RTN4: variants seen among roughly 807,000 people sequenced by gnomAD.
RTN4 encodes reticulon-4.
Under a neutral mutation model 90.4 loss-of-function variants are expected in RTN4, and 32 were observed. The observed-to-expected ratio is 0.35, with a 90% CI of 0.27 to 0.48. The LOEUF is 0.48. RTN4 is among the 20% of genes least tolerant of loss of function. The pLI, the probability that RTN4 is intolerant of heterozygous loss-of-function variation, is 0.99. For missense variants in RTN4, 1,706 were observed against 1,430.2 expected, an observed-to-expected ratio of 1.19 and a Z score of -3.11; for synonymous variants, 629 against 552.5, an observed-to-expected ratio of 1.14 and a Z score of -1.94.
rs113221316 is a variant in RTN4, at chr2:55,042,673, G to A, written c.556+7072C>T. ...TATACATAAATAAATAAATGCTTTC[G>A]TAAGATTTGGGATTTTTATTGAGAG... On this transcript the variant is annotated intron_variant, in intron 1 of 8. Coordinates refer to ENST00000337526, the MANE Select transcript of RTN4 (RefSeq NM_020532.5). Among the ~76,000 whole-genome samples, 779 of 152,178 alleles carry A rather than the reference G, an allele frequency of 5.1e-3. 5 individuals carry two copies. Among genetic ancestry groups the A allele is most frequent in the African/African-American group, 0.017 (717 of 41,510 alleles).
At chr2:55,065,810 T>G (rs1316098575) in intron 2 of RTN4, among the ~76,000 whole-genome samples, 1 of 152,114 alleles carries the variant, frequency 6.6e-6, no homozygotes, top group Middle Eastern at 3.2e-3. Context: ...CAATGGTTAC[T>G]GGGTTAGGGA....
intron 1 of RTN4, among the ~76,000 whole-genome samples, chr2:55,108,279 T>G (rs936445630): frequency 2.0e-5 from 3 of 152,152 alleles, no homozygotes; most frequent in Admixed American, 6.5e-5. Flanking sequence ...TATAGATATA[T>G]GGACAGCTAT....
intron 1 of RTN4, chr2:55,049,046 A>T (rs1667940506): frequency 3.2e-6 from 3 of 948,136 alleles, no homozygotes; most frequent in African/African-American, 3.5e-5. Flanking sequence ...TCCACATCAC[A>T]CCCCGGGGAG....
chr2:54,989,857 A>T (rs114783222), intron 3 of RTN4, among the ~76,000 whole-genome samples: 3,386 of 152,338 alleles, frequency 0.022, 68 homozygotes, highest in South Asian at 0.034. Context: ...AACTGTAAGC[A>T]TCTTTCTGCT....
intron 1 of RTN4, among the ~76,000 whole-genome samples, chr2:55,041,949 GT>G (rs1430634002): frequency 8.6e-5 from 13 of 151,984 alleles, no homozygotes; most frequent in African/African-American, 3.1e-4. Context: ...TCAATAAAAA[GT>G]TTTCAAGACA....
chr2:55,088,370 A>G (rs972790929), intron 1 of RTN4, among the ~76,000 whole-genome samples: 4 of 152,252 alleles, frequency 2.6e-5, no homozygotes, highest in Admixed American at 6.5e-5. Flanking sequence ...AAGCACACAC[A>G]TATTCTTTTC....
At chr2:54,987,466 A>T in intron 4 of RTN4, 25 bp downstream of exon 4, 1 of 1,498,318 alleles carries the variant, frequency 6.7e-7, no homozygotes, top group Non-Finnish European at 9.3e-7. Flanking sequence ...TTGCCAATGC[A>T]TGCCTTGTTT....
At chr2:55,047,437 A>T (rs1033623075) in intron 1 of RTN4, among the ~76,000 whole-genome samples, 1 of 151,938 alleles carries the variant, frequency 6.6e-6, no homozygotes, top group African/African-American at 2.4e-5. Flanking sequence ...AGATTGAGTT[A>T]CTCCTCATCT....
intron 5 of RTN4, 72 bp downstream of exon 5, chr2:54,982,443 C>T: frequency 1.5e-6 from 2 of 1,331,806 alleles, no homozygotes; most frequent in Non-Finnish European, 2.1e-6. Context: ...TATAGAAGAA[C>T]AGAATTTTAC....
chr2:55,054,375 C>T (rs1457665698), upstream of RTN4, among the ~76,000 whole-genome samples: 1 of 152,124 alleles, frequency 6.6e-6, no homozygotes, highest in Non-Finnish European at 1.5e-5. Context: ...CTGCACCAGG[C>T]CCTGCTCAAG....
intron 1 of RTN4, among the ~76,000 whole-genome samples, chr2:55,111,438 C>CT (rs2105067965): frequency 6.6e-6 from 1 of 152,336 alleles, no homozygotes; most frequent in Non-Finnish European, 1.5e-5. Context: ...AATAAAGTCA[C>CT]TGCCTTTTGT....
At chr2:55,049,601 C>G (rs1375821180) in intron 1 of RTN4, 144 bp downstream of exon 1, 2 of 1,377,142 alleles carry the variant, frequency 1.5e-6, no homozygotes, top group African/African-American at 2.9e-5. Flanking sequence ...GCGCTTCCAA[C>G]CAGACGGGGC....
chr2:55,040,201 T>A (rs1459181000), intron 1 of RTN4, among the ~76,000 whole-genome samples: 1 of 152,188 alleles, frequency 6.6e-6, no homozygotes, highest in Non-Finnish European at 1.5e-5. Flanking sequence ...AAAGTTTTTA[T>A]CAAGTTATTT....
At chr2:55,012,967 C>T (rs575473794) in intron 3 of RTN4, among the ~76,000 whole-genome samples, 1 of 152,196 alleles carries the variant, frequency 6.6e-6, no homozygotes, top group South Asian at 2.1e-4. Context: ...TTTTGTTTTC[C>T]TTCAACTACC....
intron 2 of RTN4, among the ~76,000 whole-genome samples, chr2:55,056,051 C>T (rs1034272765): frequency 2.0e-5 from 3 of 151,058 alleles, no homozygotes; most frequent in African/African-American, 7.3e-5. Context: ...CCACTTAATC[C>T]ATGCTTTCAC....
chr2:55,085,074 GCCACTGCA>G (rs761940650), intron 1 of RTN4, among the ~76,000 whole-genome samples: 31 of 152,230 alleles, frequency 2.0e-4, no homozygotes, highest in Non-Finnish European at 3.7e-4. Context: ...TAAGGCATGA[GCCACTGCA>G]CCTAGCTCTT....
At chr2:55,030,142 G>T (rs1338955003) in intron 1 of RTN4, among the ~76,000 whole-genome samples, 1 of 152,062 alleles carries the variant, frequency 6.6e-6, no homozygotes, top group Non-Finnish European at 1.5e-5. Context: ...ATATATTACT[G>T]TTAAAGTTAG....
chr2:54,980,665 G>C (rs1357154752), intron 5 of RTN4, among the ~76,000 whole-genome samples: 1 of 152,002 alleles, frequency 6.6e-6, no homozygotes, highest in African/African-American at 2.4e-5. Context: ...AGCTCACCAG[G>C]CTTTTCTTTG....
rs200085728 is a variant in RTN4 at position 55,025,879 on chromosome 2, A to C, written c.2220T>G (p.Pro740=). ...DHSELVEDSS[P]DSEPVDLFSD... is the part of the protein sequence containing the mutation. ...TAAATAAGTCAACTGGTTCAGAATCAGGTGAGGAATCTTCAACTAGCTCAG... is the reference window on the plus strand; with the variant it reads ...TAAATAAGTCAACTGGTTCAGAATCCGGTGAGGAATCTTCAACTAGCTCAG... The change falls in exon 3 of 9, where the codon CCT becomes CCG. Residue 740 remains proline, a synonymous_variant. Coordinates refer to ENST00000337526, the MANE Select transcript of RTN4 (RefSeq NM_020532.5). 1 of 1,613,822 alleles carries C rather than the reference A, an allele frequency of 6.2e-7. No individual in the cohort carries two copies. The highest frequency in any genetic ancestry group is 8.5e-7 in the Non-Finnish European group (1 of 1,179,846).
Sources: allele counts gnomAD v4.1 joint callset (sites outside exome capture counted in the v4.1 genomes callset), GRCh38; gene constraint gnomAD v4.1.1; transcripts MANE v1.5; gene names NCBI Gene and HGNC (gene_info 2026-07-23, HGNC 2026-07-21).